The following GRIN2B variants were observed in gnomAD, a reference collection of about 807,000 sequenced individuals.
The protein encoded by GRIN2B is glutamate receptor ionotropic, NMDA 2B.
Under a neutral mutation model 114.5 loss-of-function variants are expected in GRIN2B, and 5 were observed. The observed-to-expected ratio is 0.04, with a 90% CI of 0.02 to 0.09. The LOEUF is 0.09. Among genes scored for constraint, GRIN2B ranks in the 10% least tolerant of loss-of-function variants. The pLI is 1.00. For missense variants in GRIN2B, 1,108 were observed against 1,943.5 expected (o/e 0.57, Z 8.08); for synonymous variants, 787 against 745.1 (o/e 1.06, Z -0.92).
intron 2 of GRIN2B, among the ~76,000 whole-genome samples, chr12:13,970,799 C>T (rs1309645535): frequency 6.6e-6 from 1 of 151,896 alleles, no homozygotes; most frequent in African/African-American, 2.4e-5. Flanking sequence ...AATCTGAGCA[C>T]CTGTATTTGG....
chr12:13,722,120 A>C (rs563851466), intron 4 of GRIN2B, among the ~76,000 whole-genome samples: 62 of 152,258 alleles, frequency 4.1e-4, no homozygotes, highest in Non-Finnish European at 2.5e-4. Context: ...TGGACATCTG[A>C]AAGAAATGGG....
chr12:13,622,773 A>G (rs1048416451), intron 5 of GRIN2B, among the ~76,000 whole-genome samples: 14 of 152,178 alleles, frequency 9.2e-5, no homozygotes, highest in South Asian at 2.1e-4. Context: ...GCTCACTTTT[A>G]TAACAAATTC....
At chr12:13,821,420 G>A (rs1864934068) in intron 3 of GRIN2B, among the ~76,000 whole-genome samples, 1 of 152,160 alleles carries the variant, frequency 6.6e-6, no homozygotes, top group South Asian at 2.1e-4. Flanking sequence ...TCCTTTAAGA[G>A]GCAGTTGCTA....
At chr12:13,743,373 C>T (rs74065267) in intron 4 of GRIN2B, among the ~76,000 whole-genome samples, 2,395 of 152,166 alleles carry the variant, frequency 0.016, 68 homozygotes, top group African/African-American at 0.055. Flanking sequence ...CATGTGAGCA[C>T]GTGTGACAGA....
At position 13,958,814 on chromosome 12, in the gene GRIN2B, G is replaced by A. The variant is rs183233917; in HGVS notation, c.-19+21114C>T. Reference sequence around the variant, plus strand: ...AATACAACCACAAAAAGACGAGAAGGTTATTTTAAAGTCACCCATAAAATA... The same window carrying A: ...AATACAACCACAAAAAGACGAGAAGATTATTTTAAAGTCACCCATAAAATA... On this transcript the variant is annotated intron_variant, in intron 2 of 13. Transcript: ENST00000609686. Among the ~76,000 whole-genome samples, 1,023 of 152,184 alleles carry A rather than the reference G, an allele frequency of 6.7e-3. 7 individuals are homozygous for A. The highest frequency in any genetic ancestry group is 0.041 in the South Asian group (199 of 4,818).
intron 3 of GRIN2B, among the ~76,000 whole-genome samples, chr12:13,852,692 G>GCAA (rs1865589233): frequency 1.0e-5 from 1 of 95,898 alleles, no homozygotes; most frequent in Non-Finnish European, 2.2e-5. Flanking sequence ...GAGAGATGAG[G>GCAA]AAAAAAAAAA....
chr12:13,855,049 G>GAAAAAAAAAAAAAAAAA (rs3082840), intron 3 of GRIN2B, among the ~76,000 whole-genome samples: 17 of 88,006 alleles, frequency 1.9e-4, no homozygotes, highest in African/African-American at 4.3e-4. Flanking sequence ...CATCTCTACT[G>GAAAAAAAAAAAAAAAAA]AAAAAAAAAA....
intron 2 of GRIN2B, among the ~76,000 whole-genome samples, chr12:13,937,095 AAGGG>A (rs768084779): frequency 0.069 from 9,822 of 141,560 alleles, 985 homozygotes; most frequent in East Asian, 0.4. Flanking sequence ...AAAAAAAAAA[AAGGG>A]GGGGGGGAAG....
At chr12:13,756,100 C>T (rs549658817) in intron 3 of GRIN2B, among the ~76,000 whole-genome samples, 4 of 152,338 alleles carry the variant, frequency 2.6e-5, no homozygotes, top group African/African-American at 9.6e-5. Flanking sequence ...TCACTGCAAC[C>T]TCCACCTCCC....
In GRIN2B at chr12:13,560,509, T is replaced by C. The variant is rs899169788; in HGVS notation, c.*2274A>G. 1.3e-5 allele frequency: 2 copies of C among 152,248 alleles called. No individual in the cohort carries two copies. Among genetic ancestry groups the C allele is most frequent in the Middle Eastern group, 3.2e-3 (1 of 316 alleles). 9.4% of individuals were successfully genotyped at this position (152,248 alleles called of 1,614,324 possible). A position where few individuals can be genotyped will look rare whatever the true frequency, so the allele number is the denominator to read the frequency against. On this transcript the variant is annotated 3_prime_UTR_variant, in exon 14 of 14. Coordinates refer to ENST00000609686, the MANE Select transcript of GRIN2B (RefSeq NM_000834.5). Reference sequence around the variant, plus strand: ...CGCTAGGTTAGTTGGTTTGGTTTTTTTGTTTGAAAGGGGTGAGGTAAGAGG... The same window carrying C: ...CGCTAGGTTAGTTGGTTTGGTTTTTCTGTTTGAAAGGGGTGAGGTAAGAGG...
At position 13,829,544 on chromosome 12, in the gene GRIN2B, T is replaced by C. The variant is rs546072711; in HGVS notation, c.411+36254A>G. Among the ~76,000 whole-genome samples the C allele has an allele frequency of 3.3e-5, 5 of 152,362 alleles. No individual in the cohort carries two copies. The East Asian group carries it at 9.6e-4, about 29-fold the overall frequency. The stretch of plus-strand genomic sequence containing the variant: ...CTTTGCTCCCACTCCTGCTTTATCA[T>C]CTGCAGCCCTGGCCTAACAGCTAAT... On this transcript the variant is annotated intron_variant, in intron 3 of 13. Transcript: ENST00000609686.
intron 5 of GRIN2B, among the ~76,000 whole-genome samples, chr12:13,630,997 C>T (rs562177392): frequency 2.1e-4 from 32 of 152,082 alleles, no homozygotes; most frequent in African/African-American, 7.2e-4. Context: ...AGATCAGGAG[C>T]GGGTAACTGT....
At chr12:13,972,193 G>A (rs1253116583) in intron 2 of GRIN2B, among the ~76,000 whole-genome samples, 1 of 152,162 alleles carries the variant, frequency 6.6e-6, no homozygotes, top group Non-Finnish European at 1.5e-5. Flanking sequence ...TAGGGTCTGA[G>A]CATGGGCATC....
intron 10 of GRIN2B, among the ~76,000 whole-genome samples, chr12:13,583,440 C>T (rs1948878386): frequency 6.6e-6 from 1 of 152,178 alleles, no homozygotes; most frequent in Admixed American, 6.5e-5. Context: ...TAGAAACTAT[C>T]AGAGCAAGGA....
At chr12:13,743,346 A>T (rs1863317731) in intron 4 of GRIN2B, among the ~76,000 whole-genome samples, 1 of 152,146 alleles carries the variant, frequency 6.6e-6, no homozygotes, top group African/African-American at 2.4e-5. Flanking sequence ...TAAAAAAGCC[A>T]AGTCTCCATG....
Position 13,563,448 on chromosome 12 carries a change from C to G in GRIN2B, c.3790G>C (p.Asp1264His). 6.2e-7 allele frequency: 1 copy of G among 1,614,154 alleles called. No homozygotes were observed. Among genetic ancestry groups the G allele is most frequent in the Middle Eastern group, 1.6e-4 (1 of 6,062 alleles). The change falls in exon 14 of 14, where the codon GAC (aspartate) becomes CAC (histidine). Residue 1264 changes from aspartate to histidine, a missense_variant. Asp to His is a moderately conservative substitution (Grantham distance 81). Around this residue, in one of 19 missense-constraint regions of GRIN2B, gnomAD observed 478 missense variants for 506.0 expected, o/e 0.94. Transcript: ENST00000609686. ...ACCGCCACTGGGGCAGCCGGCTGGT[C>G]CAGTTCCTGCAGGGAGTTGTCCTCA... ...ISEDNSLQEL[D>H]QPAAPVAVTS...
intron 3 of GRIN2B, among the ~76,000 whole-genome samples, chr12:13,800,047 A>G (rs1864480233): frequency 6.6e-6 from 1 of 152,088 alleles, no homozygotes; most frequent in Admixed American, 6.6e-5. Flanking sequence ...AGCTCTAATA[A>G]TGGGAACACA....
intron 4 of GRIN2B, among the ~76,000 whole-genome samples, chr12:13,689,808 T>A (rs1375015995): frequency 6.6e-6 from 1 of 152,184 alleles, no homozygotes; most frequent in Non-Finnish European, 1.5e-5. Context: ...CCAAGAACCA[T>A]CTTTGCTGTC....
chr12:13,572,433 T>A (rs1243104099), intron 10 of GRIN2B, among the ~76,000 whole-genome samples: 1 of 152,212 alleles, frequency 6.6e-6, no homozygotes, highest in Non-Finnish European at 1.5e-5. Context: ...TATGTGGTAC[T>A]CCTGAAGATA....
Sources: gnomAD v4.1 joint callset for allele counts (sites outside exome capture counted in the v4.1 genomes callset) on GRCh38, gnomAD v4.1.1 for gene constraint, gnomAD v4.1.1 regional missense constraint, MANE v1.5 for transcripts, NCBI Gene and HGNC (gene_info 2026-07-23, HGNC 2026-07-21) for gene names.